Variants in WHRN observed in about 807,000 individuals in gnomAD.
WHRN encodes whirlin.
A neutral mutation model predicts 68.3 loss-of-function variants in WHRN; 41 were observed. That is an observed-to-expected ratio of 0.60 (90% CI 0.47 to 0.78). The LOEUF is 0.78. WHRN is among the 30% of genes least tolerant of loss of function. The pLI is 0.00. For missense variants in WHRN, 1,243 were observed against 1,244.7 expected (o/e 1.00, Z 0.02); for synonymous variants, 560 against 561.3 (o/e 1.00, Z 0.03).
rs148291824 is a variant in WHRN at position 114,429,405 on chromosome 9, C to A, written c.964-2992G>T. Among the ~76,000 whole-genome samples, 6 of 152,316 alleles carry A rather than the reference C, an allele frequency of 3.9e-5. No individual in the cohort carries two copies. The East Asian group carries it at 9.7e-4, about 25-fold the overall frequency. ...ATCACTTCCGTGCCACATGGCCCCA[C>A]AAAACCCACAATAGCTTTTGTGCCT... On this transcript the variant is annotated intron_variant, in intron 3 of 11. Transcript: ENST00000362057.
At chr9:114,460,572 C>T (rs989278205) in intron 3 of WHRN, among the ~76,000 whole-genome samples, 5 of 152,100 alleles carry the variant, frequency 3.3e-5, no homozygotes, top group African/African-American at 1.2e-4. Flanking sequence ...ATAAGAGATC[C>T]GAAGATAAAC....
chr9:114,415,638 A>G (rs76898866), intron 7 of WHRN, among the ~76,000 whole-genome samples: 1,623 of 152,254 alleles, frequency 0.011, 35 homozygotes, highest in African/African-American at 0.037. Context: ...AGTGTGAGTT[A>G]TGGAGATGAT....
intron 7 of WHRN, among the ~76,000 whole-genome samples, chr9:114,422,518 G>A (rs1836386327): frequency 6.6e-6 from 1 of 152,156 alleles, no homozygotes; most frequent in African/African-American, 2.4e-5. Context: ...TGCTTTGCTG[G>A]GGGGCTGGTG....
chr9:114,453,572 G>C (rs1338921703), intron 3 of WHRN, among the ~76,000 whole-genome samples: 1 of 151,864 alleles, frequency 6.6e-6, no homozygotes, highest in Non-Finnish European at 1.5e-5. Context: ...TATAATTCCT[G>C]ACAGTTAAAA....
In WHRN at chr9:114,504,559, C is replaced by T. The variant is rs759209894; in HGVS notation, c.243G>A (p.Leu81=). 6.2e-7 allele frequency: 1 copy of T among 1,611,218 alleles called. No homozygotes were observed. Among genetic ancestry groups the T allele is most frequent in the Admixed American group, 1.7e-5 (1 of 59,990 alleles). ...VFDLVRTLRV[L]LDSPVKRRLL... ...GGCGCCGCTTGACCGGACTGTCCAGCAGCACGCGCAGGGTGCGCACCAGGT... is the reference window on the plus strand; with the variant it reads ...GGCGCCGCTTGACCGGACTGTCCAGTAGCACGCGCAGGGTGCGCACCAGGT... Residue 81 remains leucine (L), a synonymous_variant, in exon 1 of 12, where the codon CTG becomes CTA. Transcript: ENST00000362057.
chr9:114,452,094 T>C (rs774010208), intron 3 of WHRN, among the ~76,000 whole-genome samples: 1 of 152,190 alleles, frequency 6.6e-6, no homozygotes, highest in Non-Finnish European at 1.5e-5. Flanking sequence ...CTGTTACTAC[T>C]ATTTCCTCAG....
At chr9:114,483,148 T>C (rs1042676506) in intron 1 of WHRN, among the ~76,000 whole-genome samples, 1 of 152,204 alleles carries the variant, frequency 6.6e-6, no homozygotes, top group African/African-American at 2.4e-5. Flanking sequence ...TTCTGGGTGT[T>C]GGAGAGCAAG....
At chr9:114,484,730 T>C (rs1842350155) in intron 1 of WHRN, among the ~76,000 whole-genome samples, 1 of 152,232 alleles carries the variant, frequency 6.6e-6, no homozygotes, top group Admixed American at 6.5e-5. Context: ...ATGACTATTC[T>C]GGCAGCACGT....
At chr9:114,479,516 G>A (rs1841934591) in intron 1 of WHRN, among the ~76,000 whole-genome samples, 1 of 152,170 alleles carries the variant, frequency 6.6e-6, no homozygotes, top group Non-Finnish European at 1.5e-5. Flanking sequence ...GAGAATCACT[G>A]AACCCAGGTG....
intron 2 of WHRN, among the ~76,000 whole-genome samples, chr9:114,470,157 A>G (rs894658932): frequency 3.3e-5 from 5 of 152,200 alleles, no homozygotes; most frequent in Non-Finnish European, 1.5e-5. Context: ...TTCAGACTTG[A>G]GGATACACTT....
chr9:114,406,646 G>T lies in WHRN; in HGVS notation c.1945C>A (p.Pro649Thr). ...GCAGGGGAGACGGAGGCATAGATGGGGGAAGAGGGCAAGTCCTGTGCAGAG... is the reference window on the plus strand; with the variant it reads ...GCAGGGGAGACGGAGGCATAGATGGTGGAAGAGGGCAAGTCCTGTGCAGAG... Reference protein sequence around the residue: ...TSSAQDLPSSPIYASVSPANP... With the variant: ...TSSAQDLPSSTIYASVSPANP... Residue 649 changes from proline (P) to threonine (T), a missense_variant, in exon 9 of 12, where the codon CCC becomes ACC. Pro to Thr is a conservative substitution (Grantham distance 38, BLOSUM62 -1). Transcript: ENST00000362057. 6.2e-7 allele frequency: 1 copy of T among 1,613,240 alleles called. No homozygotes were observed. Among genetic ancestry groups the T allele is most frequent in the Non-Finnish European group, 8.5e-7 (1 of 1,179,486 alleles).
chr9:114,490,437 A>C (rs1207234249), intron 1 of WHRN, among the ~76,000 whole-genome samples: 1 of 152,166 alleles, frequency 6.6e-6, no homozygotes, highest in African/African-American at 2.4e-5. Flanking sequence ...TATGCCTTTA[A>C]TTTGGGCCTC....
intron 2 of WHRN, among the ~76,000 whole-genome samples, chr9:114,468,988 T>C (rs977322421): frequency 2.0e-5 from 3 of 152,202 alleles, no homozygotes; most frequent in Admixed American, 1.3e-4. Flanking sequence ...TTGCTAGGTA[T>C]GTGGCCCCGG....
chr9:114,445,779 A>G (rs1838768574), intron 3 of WHRN, among the ~76,000 whole-genome samples: 1 of 152,162 alleles, frequency 6.6e-6, no homozygotes, highest in Non-Finnish European at 1.5e-5. Context: ...TGGGCTCTGA[A>G]GCCTGCTGGC....
rs1276504958 is a variant in WHRN, at chr9:114,486,933, T to TA, written c.619-8163_619-8162insT. On this transcript the variant is annotated intron_variant, in intron 1 of 11. Coordinates refer to ENST00000362057, the MANE Select transcript of WHRN (RefSeq NM_015404.4). Reference sequence around the variant, plus strand: ...AGTGTGTGTGTGTGTGTAGAGTGTGTGTGTGTGTTGTGTGTGTGTGTGTGT... The same window carrying TA: ...AGTGTGTGTGTGTGTGTAGAGTGTGTAGTGTGTGTTGTGTGTGTGTGTGTGT... 5.4e-5 allele frequency among the ~76,000 whole-genome samples: 5 copies of TA among 91,990 alleles called. 1 individual carries two copies. In the South Asian group the frequency reaches 1.8e-3, roughly 32 times the overall value. 60.3% of individuals were successfully genotyped at this position (91,990 alleles called of 152,430 possible).
At chr9:114,444,255 T>A (rs911162943) in intron 3 of WHRN, among the ~76,000 whole-genome samples, 1 of 152,146 alleles carries the variant, frequency 6.6e-6, no homozygotes, top group Non-Finnish European at 1.5e-5. Context: ...GCAAAAACTT[T>A]TGCAATTTTA....
At chr9:114,433,974 C>T (rs1317284860) in intron 3 of WHRN, among the ~76,000 whole-genome samples, 1 of 152,232 alleles carries the variant, frequency 6.6e-6, no homozygotes, top group East Asian at 1.9e-4. Flanking sequence ...TGAAGGCCTG[C>T]TCTAACCCAG....
intron 2 of WHRN, among the ~76,000 whole-genome samples, chr9:114,469,488 C>T (rs1355599297): frequency 1.3e-5 from 2 of 152,222 alleles, no homozygotes; most frequent in Non-Finnish European, 2.9e-5. Flanking sequence ...TCAAGAACTG[C>T]CCTAGGCCAA....
chr9:114,445,680 C>T (rs905079468), intron 3 of WHRN, among the ~76,000 whole-genome samples: 12 of 152,120 alleles, frequency 7.9e-5, no homozygotes, highest in Non-Finnish European at 2.9e-5. Context: ...GTAGATATGC[C>T]GTGCCACGCT....
Sources: allele counts gnomAD v4.1 joint callset (sites outside exome capture counted in the v4.1 genomes callset), GRCh38; gene constraint gnomAD v4.1.1; transcripts MANE v1.5; gene names NCBI Gene and HGNC (gene_info 2026-07-23, HGNC 2026-07-21).